RANBP2: variants seen among roughly 807,000 people sequenced by gnomAD.
RANBP2 encodes RAN binding protein 2, also known as E3 SUMO-protein ligase RanBP2.
In RANBP2, 57 loss-of-function variants were observed where a neutral mutation model predicts 303.6. The observed-to-expected ratio is 0.19, with a 90% CI of 0.15 to 0.23. RANBP2 has a LOEUF of 0.23. Ranked by LOEUF, RANBP2 falls within the 10% of genes least tolerant of loss-of-function variation. The pLI is 1.00. For missense variants in RANBP2, 3,138 were observed against 3,780.8 expected (o/e 0.83, Z 4.46); for synonymous variants, 1,167 against 1,301.5 (o/e 0.90, Z 2.23).
chr2:109,323,387 C>T, the RANBP2 span, among the ~76,000 whole-genome samples: 58,333 of 152,126 alleles, frequency 0.38, 12,583 homozygotes, highest in Non-Finnish European at 0.49. Flanking sequence ...CCACAATGGG[C>T]ATTTGTGTAA....
At chr2:109,353,789 A>G in the RANBP2 span, among the ~76,000 whole-genome samples, 1 of 152,178 alleles carries the variant, frequency 6.6e-6, no homozygotes, top group Non-Finnish European at 1.5e-5. Flanking sequence ...CCGTGTGTGC[A>G]TGCGTGTGTC....
At chr2:108,911,188 C>G in the RANBP2 span, 1 of 1,321,446 alleles carries the variant, frequency 7.6e-7, no homozygotes, top group Non-Finnish European at 1.1e-6. Context: ...TTCAGGGAAC[C>G]CTGAAATCTG....
chr2:109,519,794 G>C, the RANBP2 span, among the ~76,000 whole-genome samples: 2 of 152,250 alleles, frequency 1.3e-5, no homozygotes, highest in African/African-American at 4.8e-5. Context: ...GCCTGCTCTT[G>C]TTGCTGTTCC....
chr2:109,359,861 T>C, the RANBP2 span, among the ~76,000 whole-genome samples: 3 of 152,090 alleles, frequency 2.0e-5, no homozygotes, highest in Non-Finnish European at 1.5e-5. Flanking sequence ...AGCACAACCA[T>C]AAAGGGTCAT....
At chr2:109,521,268 TGGA>T in the RANBP2 span, among the ~76,000 whole-genome samples, 2 of 145,576 alleles carry the variant, frequency 1.4e-5, no homozygotes, top group Non-Finnish European at 3.0e-5. Flanking sequence ...AGAAGACAGG[TGGA>T]GGAGAATGAC....
the RANBP2 span, among the ~76,000 whole-genome samples, chr2:109,409,337 G>C: frequency 6.6e-6 from 1 of 152,200 alleles, no homozygotes; most frequent in Non-Finnish European, 1.5e-5. Flanking sequence ...TCTAGACTTT[G>C]CAGCCAGGTA....
the RANBP2 span, among the ~76,000 whole-genome samples, chr2:109,347,111 A>G: frequency 6.6e-6 from 1 of 152,226 alleles, no homozygotes; most frequent in African/African-American, 2.4e-5. Context: ...CCCCTGGAGC[A>G]TGCTCGAGTT....
At chr2:109,429,729 C>T in the RANBP2 span, among the ~76,000 whole-genome samples, 1 of 152,218 alleles carries the variant, frequency 6.6e-6, no homozygotes, top group Non-Finnish European at 1.5e-5. Flanking sequence ...GAAGCTCCAT[C>T]CCCTCGAGCT....
At chr2:109,281,900 A>G in the RANBP2 span, among the ~76,000 whole-genome samples, 4 of 152,136 alleles carry the variant, frequency 2.6e-5, no homozygotes. Flanking sequence ...GGCAGAATGT[A>G]GAGATGGCCA....
At chr2:108,894,401 A>ACCTT in the RANBP2 span, 1 of 152,544 alleles carries the variant, frequency 6.6e-6, no homozygotes, top group Non-Finnish European at 1.5e-5. Flanking sequence ...AGCAATCAGA[A>ACCTT]CCTTCCCCAC....
chr2:109,208,081 C>T, the RANBP2 span, among the ~76,000 whole-genome samples: 3 of 151,160 alleles, frequency 2.0e-5, no homozygotes, highest in African/African-American at 7.4e-5. Context: ...AATGCCTGTG[C>T]TGGGCACAGT....
the RANBP2 span, among the ~76,000 whole-genome samples, chr2:109,621,914 A>AAATAAATAAAT: frequency 6.8e-6 from 1 of 146,486 alleles, no homozygotes; most frequent in Admixed American, 6.9e-5. Flanking sequence ...CTCCATCTCA[A>AAATAAATAAAT]AAATAAATAA....
At chr2:109,257,564 G>A in the RANBP2 span, among the ~76,000 whole-genome samples, 77 of 152,256 alleles carry the variant, frequency 5.1e-4, no homozygotes, top group Non-Finnish European at 9.9e-4. Flanking sequence ...TTCGTGGTGA[G>A]TGAGGAGTTA....
At chr2:108,929,959 G>A in the RANBP2 span, among the ~76,000 whole-genome samples, 138 of 152,274 alleles carry the variant, frequency 9.1e-4, no homozygotes, top group East Asian at 0.01. Flanking sequence ...CTGGGCTCAC[G>A]GCAGCTCTTG....
chr2:109,558,077 C>T, the RANBP2 span, among the ~76,000 whole-genome samples: 11 of 152,228 alleles, frequency 7.2e-5, no homozygotes, highest in South Asian at 1.5e-3. Context: ...CAGGCGTGAA[C>T]GACTGCACCT....
At chr2:109,206,557 C>A in the RANBP2 span, among the ~76,000 whole-genome samples, 1 of 150,010 alleles carries the variant, frequency 6.7e-6, no homozygotes, top group African/African-American at 2.5e-5. Flanking sequence ...ACCTATAATC[C>A]CAGCAGTTTG....
chr2:108,816,180 G>C, the RANBP2 span: 1 of 1,085,040 alleles, frequency 9.2e-7, no homozygotes, highest in Non-Finnish European at 1.4e-6. Context: ...GCCAGGCACA[G>C]TGGCTCACGT....
the RANBP2 span, among the ~76,000 whole-genome samples, chr2:109,647,128 G>A: frequency 2.7e-5 from 4 of 147,486 alleles, no homozygotes; most frequent in Non-Finnish European, 6.0e-5. Context: ...CTTTTGGGAA[G>A]TGTCAGCCAC....
At chr2:109,360,711 T>C in the RANBP2 span, among the ~76,000 whole-genome samples, 1 of 152,260 alleles carries the variant, frequency 6.6e-6, no homozygotes, top group Non-Finnish European at 1.5e-5. Context: ...TTCTAGAAGT[T>C]CTTCAGTTGG....
Sources: allele counts gnomAD v4.1 joint callset (sites outside exome capture counted in the v4.1 genomes callset), GRCh38; gene constraint gnomAD v4.1.1; transcripts MANE v1.5; gene names NCBI Gene and HGNC (gene_info 2026-07-23, HGNC 2026-07-21).